Variants in CAST observed in about 807,000 individuals in gnomAD.
CAST encodes the protein calpastatin.
A neutral mutation model predicts 119.6 loss-of-function variants in CAST; 76 were observed. The observed-to-expected ratio is 0.64, with a 90% CI of 0.53 to 0.77. The LOEUF is 0.77. CAST is among the 30% of genes least tolerant of loss of function. The probability of loss-of-function intolerance (pLI) is 0.00; values close to 1 mark genes in which losing one functional copy is unlikely to be tolerated. For missense variants in CAST, 953 were observed against 946.5 expected (o/e 1.01, Z -0.09); for synonymous variants, 319 against 331.6 (o/e 0.96, Z 0.41).
chr5:96,732,014 AC>A (rs1760631321), intron 9 of CAST, among the ~76,000 whole-genome samples: 1 of 151,964 alleles, frequency 6.6e-6, no homozygotes, highest in African/African-American at 2.4e-5. Context: ...TTTGGTATAT[AC>A]CCAGTAATGG....
intron 1 of CAST, among the ~76,000 whole-genome samples, chr5:96,558,545 A>C (rs1265686953): frequency 6.6e-6 from 1 of 152,234 alleles, no homozygotes; most frequent in South Asian, 2.1e-4. Flanking sequence ...GATCCCACAG[A>C]AATACAAACT....
the CAST span, among the ~76,000 whole-genome samples, chr5:96,467,079 A>G: frequency 6.6e-6 from 1 of 152,116 alleles, no homozygotes; most frequent in Admixed American, 6.6e-5. Flanking sequence ...TTATCTAATT[A>G]TTAGTGACTT....
chr5:96,034,591 A>C, the CAST span, among the ~76,000 whole-genome samples: 1 of 150,802 alleles, frequency 6.6e-6, no homozygotes, highest in African/African-American at 2.4e-5. Flanking sequence ...TCACATATGC[A>C]TTACCTAACA....
intron 1 of CAST, among the ~76,000 whole-genome samples, chr5:96,619,956 C>T (rs1303638349): frequency 1.3e-5 from 2 of 152,222 alleles, no homozygotes; most frequent in South Asian, 2.1e-4. Context: ...TCTCCAAGCT[C>T]AAGTTTCCAC....
chr5:96,586,477 C>T (rs1337131406), intron 1 of CAST, among the ~76,000 whole-genome samples: 1 of 152,090 alleles, frequency 6.6e-6, no homozygotes, highest in Admixed American at 6.6e-5. Flanking sequence ...GTTATAGCCA[C>T]AAGACAGAAG....
At chr5:96,698,673 G>A (rs1226039627) in intron 3 of CAST, among the ~76,000 whole-genome samples, 1 of 152,170 alleles carries the variant, frequency 6.6e-6, no homozygotes, top group Non-Finnish European at 1.5e-5. Flanking sequence ...GGGGGTAATA[G>A]CATAACTTGA....
the CAST span, among the ~76,000 whole-genome samples, chr5:95,983,251 A>G: frequency 6.6e-6 from 1 of 152,268 alleles, no homozygotes; most frequent in East Asian, 1.9e-4. Context: ...AGTGATTAGA[A>G]GTCCTGAAGA....
chr5:96,190,043 G>A, the CAST span, among the ~76,000 whole-genome samples: 1 of 152,080 alleles, frequency 6.6e-6, no homozygotes, highest in Admixed American at 6.5e-5. Context: ...CAAGTTGGGG[G>A]TATTATTTTT....
the CAST span, among the ~76,000 whole-genome samples, chr5:96,322,088 G>A: frequency 6.6e-6 from 1 of 152,096 alleles, no homozygotes; most frequent in Non-Finnish European, 1.5e-5. Context: ...GAAAGAATGG[G>A]TTCCCTTTGA....
At chr5:96,230,017 A>G in the CAST span, among the ~76,000 whole-genome samples, 1 of 152,174 alleles carries the variant, frequency 6.6e-6, no homozygotes, top group Non-Finnish European at 1.5e-5. Context: ...AGGGATAGTG[A>G]CAAAGCAGAC....
intron 2 of CAST, among the ~76,000 whole-genome samples, chr5:96,690,132 GAAC>G (rs1384424597): frequency 2.0e-5 from 3 of 152,272 alleles, no homozygotes; most frequent in South Asian, 4.1e-4. Flanking sequence ...TCAGAAAAAA[GAAC>G]AACAACAACA....
At chr5:96,534,743 A>AGAGAGAGAAAG (rs1554066267) in intron 1 of CAST, among the ~76,000 whole-genome samples, 6 of 56,596 alleles carry the variant, frequency 1.1e-4, no homozygotes, top group East Asian at 8.7e-4. Flanking sequence ...GAGAGAGAGA[A>AGAGAGAGAAAG]AGAAAGAAAG....
In CAST at chr5:96,714,536, G is replaced by C. The variant is rs1024091737; in HGVS notation, c.211-8103G>C. ...TTAACAGAAATTGTTTGATTCACAG[G>C]CTTATGTAAATCCTCACCTGTGAAA... is the stretch of plus-strand genomic sequence containing the variant. On this transcript the variant is annotated intron_variant, in intron 3 of 31. Transcript: ENST00000675179. 5 of 152,318 alleles carry C rather than the reference G, an allele frequency of 3.3e-5. No individual in the cohort carries two copies. In the East Asian group the frequency reaches 7.7e-4, roughly 24 times the overall value. The allele number at this position is 152,318 out of a possible 1,614,324, so 9.4% of individuals were successfully genotyped here.
chr5:96,589,131 CTAAA>C (rs1264336699), intron 1 of CAST, among the ~76,000 whole-genome samples: 6 of 152,128 alleles, frequency 3.9e-5, no homozygotes, highest in African/African-American at 1.4e-4. Flanking sequence ...TTACATTACT[CTAAA>C]GATAACAGAT....
the CAST span, among the ~76,000 whole-genome samples, chr5:96,159,873 C>G: frequency 6.6e-6 from 1 of 152,074 alleles, no homozygotes; most frequent in East Asian, 1.9e-4. Flanking sequence ...TGGGCTCACA[C>G]CTGTAATCCC....
chr5:96,478,219 A>G, the CAST span, among the ~76,000 whole-genome samples: 5 of 152,262 alleles, frequency 3.3e-5, no homozygotes, highest in African/African-American at 1.2e-4. Context: ...TATCCTAAGA[A>G]AGTCCCAATA....
chr5:96,564,444 G>A (rs1422192953), intron 1 of CAST, among the ~76,000 whole-genome samples: 1 of 152,206 alleles, frequency 6.6e-6, no homozygotes, highest in African/African-American at 2.4e-5. Flanking sequence ...TTTCAAAACA[G>A]AATCCCATTC....
chr5:96,413,062 G>A, the CAST span: 20 of 556,846 alleles, frequency 3.6e-5, no homozygotes, highest in African/African-American at 3.1e-4. Context: ...GTCACAACAG[G>A]AAACTAACAA....
chr5:96,486,382 T>C, the CAST span, among the ~76,000 whole-genome samples: 6 of 152,138 alleles, frequency 3.9e-5, no homozygotes, highest in Admixed American at 6.5e-5. Flanking sequence ...CATCTGCCAT[T>C]GGAAACTCCT....
Sources: allele counts gnomAD v4.1 joint callset (sites outside exome capture counted in the v4.1 genomes callset), GRCh38; gene constraint gnomAD v4.1.1; transcripts MANE v1.5; gene names NCBI Gene and HGNC (gene_info 2026-07-23, HGNC 2026-07-21).